The following SOX6 variants were observed in gnomAD, a reference collection of about 807,000 sequenced individuals.
SOX6 encodes the protein transcription factor SOX-6.
A neutral mutation model predicts 97.8 loss-of-function variants in SOX6; 11 were observed. The observed-to-expected ratio is 0.11, with a 90% CI of 0.07 to 0.19. The LOEUF (loss-of-function observed/expected upper bound fraction) is 0.19. SOX6 is among the 10% of genes least tolerant of loss of function. The probability of loss-of-function intolerance (pLI) is 1.00; values close to 1 mark genes in which losing one functional copy is unlikely to be tolerated. For missense variants in SOX6, 810 were observed against 1,039.5 expected (o/e 0.78, Z 3.04); for synonymous variants, 360 against 371.4 (o/e 0.97, Z 0.35).
At chr11:16,251,186 G>A (rs934107889) in intron 3 of SOX6, among the ~76,000 whole-genome samples, 6 of 151,986 alleles carry the variant, frequency 3.9e-5, no homozygotes, top group African/African-American at 9.7e-5. Flanking sequence ...AAGCAGAAAG[G>A]TTAAAAATTA....
At position 16,736,417 on chromosome 11, in the gene SOX6, G is replaced by A. The variant is rs79071937; in HGVS notation, n.275C>T. On this transcript the variant is annotated non_coding_transcript_exon_variant, in exon 2 of 6. Coordinates refer to the SOX6 transcript ENST00000524520. ...TTAGTATTTCCTATGTTACTTTTTC[G>A]TTTGTGATCTTGTTTCACAGTAACT... 3.9e-5 allele frequency: 6 copies of A among 152,086 alleles called. No homozygotes were observed. The East Asian group carries it at 5.8e-4, about 15-fold the overall frequency. The allele number at this position is 152,086 out of a possible 1,614,324, so 9.4% of individuals were successfully genotyped here.
intron 6 of SOX6, among the ~76,000 whole-genome samples, chr11:16,117,015 G>A (rs1178244100): frequency 6.6e-6 from 1 of 152,126 alleles, no homozygotes; most frequent in Non-Finnish European, 1.5e-5. Context: ...AAAAGGTTGG[G>A]GATGGCTGCC....
At chr11:16,655,908 G>A (rs1847713499) in intron 3 of SOX6, among the ~76,000 whole-genome samples, 1 of 151,902 alleles carries the variant, frequency 6.6e-6, no homozygotes, top group Non-Finnish European at 1.5e-5. Flanking sequence ...GTTCAAGGCT[G>A]CAGTGAGCTA....
At chr11:16,290,253 G>C (rs758847366) in intron 3 of SOX6, among the ~76,000 whole-genome samples, 2 of 151,876 alleles carry the variant, frequency 1.3e-5, no homozygotes, top group Non-Finnish European at 2.9e-5. Context: ...AAATCAAAGA[G>C]TAAATAAAAT....
intron 4 of SOX6, among the ~76,000 whole-genome samples, chr11:16,583,624 TATATATATATATAC>T (rs1848058832): frequency 7.2e-6 from 1 of 138,842 alleles, no homozygotes; most frequent in African/African-American, 2.6e-5. Flanking sequence ...CATATATATA[TATATATATATATAC>T]ACATACACAC....
chr11:16,353,356 A>C (rs984593633), intron 1 of SOX6, among the ~76,000 whole-genome samples: 3 of 152,098 alleles, frequency 2.0e-5, no homozygotes, highest in Non-Finnish European at 4.4e-5. Context: ...TATGACTACT[A>C]TATAACATTA....
chr11:16,089,812 T>A (rs2133965994), intron 9 of SOX6, among the ~76,000 whole-genome samples: 1 of 152,192 alleles, frequency 6.6e-6, no homozygotes, highest in South Asian at 2.1e-4. Context: ...ACCTGGAAGG[T>A]CAAATATTTT....
intron 6 of SOX6, among the ~76,000 whole-genome samples, chr11:16,141,640 C>T (rs1850145207): frequency 6.6e-6 from 1 of 152,150 alleles, no homozygotes; most frequent in African/African-American, 2.4e-5. Flanking sequence ...ACAGACAGCA[C>T]CTGGAAAATC....
intron 6 of SOX6, among the ~76,000 whole-genome samples, chr11:16,175,370 T>C (rs1423492447): frequency 8.0e-6 from 1 of 124,872 alleles, no homozygotes; most frequent in Non-Finnish European, 1.9e-5. Flanking sequence ...TGTAATTATC[T>C]TTAGGAATTA....
chr11:16,310,498 T>C (rs546861259), intron 3 of SOX6, among the ~76,000 whole-genome samples: 73 of 152,192 alleles, frequency 4.8e-4, no homozygotes, highest in African/African-American at 1.6e-3. Context: ...ATGAATATGA[T>C]ACAAATTTTT....
chr11:16,204,651 G>A (rs750700805), intron 4 of SOX6, among the ~76,000 whole-genome samples: 2 of 152,186 alleles, frequency 1.3e-5, no homozygotes, highest in Middle Eastern at 3.4e-3. Flanking sequence ...TGGTTCAACC[G>A]TGATTAATCT....
At chr11:16,680,558 CAA>C (rs1259306894) in intron 3 of SOX6, among the ~76,000 whole-genome samples, 1 of 152,046 alleles carries the variant, frequency 6.6e-6, no homozygotes, top group African/African-American at 2.4e-5. Context: ...AATTAATGGC[CAA>C]AATAACCAGC....
chr11:16,074,513 T>C (rs996369909), intron 9 of SOX6, among the ~76,000 whole-genome samples: 1 of 152,162 alleles, frequency 6.6e-6, no homozygotes, highest in Non-Finnish European at 1.5e-5. Context: ...TTCTACCAGA[T>C]GTATAAAGAA....
chr11:16,222,956 A>T (rs1519127), intron 4 of SOX6, among the ~76,000 whole-genome samples: 30,394 of 152,082 alleles, frequency 0.2, 3,564 homozygotes, highest in South Asian at 0.36. Flanking sequence ...GCATCGTTTT[A>T]AAAAGTCCTA....
chr11:16,669,615 G>C (rs1847832801), intron 3 of SOX6, among the ~76,000 whole-genome samples: 1 of 152,250 alleles, frequency 6.6e-6, no homozygotes, highest in Non-Finnish European at 1.5e-5. Context: ...ACTCCCAGTG[G>C]GAGGGGTGGG....
chr11:16,495,890 T>C (rs575808726), intron 4 of SOX6, among the ~76,000 whole-genome samples: 170 of 152,220 alleles, frequency 1.1e-3, no homozygotes, highest in African/African-American at 4.0e-3. Flanking sequence ...GCCCATCTGG[T>C]GTCCCTGTCT....
intron 12 of SOX6, among the ~76,000 whole-genome samples, chr11:16,033,420 G>T (rs1855434310): frequency 6.6e-6 from 1 of 152,094 alleles, no homozygotes; most frequent in Non-Finnish European, 1.5e-5. Flanking sequence ...GCTGAGATTT[G>T]GATTTAGACA....
At chr11:16,303,481 A>G (rs926336338) in intron 3 of SOX6, among the ~76,000 whole-genome samples, 5 of 152,184 alleles carry the variant, frequency 3.3e-5, no homozygotes, top group African/African-American at 1.2e-4. Context: ...ATATGTGACT[A>G]TTTTTCTTCC....
At chr11:16,499,543 C>G (rs912118390) in intron 4 of SOX6, among the ~76,000 whole-genome samples, 2 of 151,836 alleles carry the variant, frequency 1.3e-5, no homozygotes, top group Admixed American at 6.6e-5. Context: ...AAAAGATCAA[C>G]GAAATTGATA....
Sources: allele counts gnomAD v4.1 joint callset (sites outside exome capture counted in the v4.1 genomes callset), GRCh38; gene constraint gnomAD v4.1.1; transcripts MANE v1.5; gene names NCBI Gene and HGNC (gene_info 2026-07-23, HGNC 2026-07-21).